POLK: variants seen among roughly 807,000 people sequenced by gnomAD.
The protein encoded by POLK is DNA polymerase kappa, also known as polymerase (DNA directed) kappa.
POLK carries 76 observed loss-of-function variants against 94.0 expected under a neutral mutation model. The observed-to-expected ratio is 0.81, with a 90% CI of 0.67 to 0.98. The LOEUF (loss-of-function observed/expected upper bound fraction) is 0.98, where lower values mean the gene tolerates loss of function less well. POLK is among the 50% of genes least tolerant of loss of function. The pLI, the probability that POLK is intolerant of heterozygous loss-of-function variation, is 0.00. For missense variants in POLK, 954 were observed against 1,010.1 expected, an observed-to-expected ratio of 0.94 and a Z score of 0.75; for synonymous variants, 349 against 325.4, an observed-to-expected ratio of 1.07 and a Z score of -0.78.
intron 1 of POLK, among the ~76,000 whole-genome samples, chr5:75,519,349 TTGTC>T (rs1248207890): frequency 1.3e-5 from 2 of 152,174 alleles, no homozygotes; most frequent in Non-Finnish European, 1.5e-5. Context: ...GATGAAAAGA[TTGTC>T]TGTTCTGCAG....
Position 75,575,146 on chromosome 5 carries a change from A to G in POLK, c.540+1277A>G, listed in dbSNP as rs75480562. On this transcript the variant is annotated intron_variant, in intron 5 of 14. Transcript: ENST00000241436. ...AATTCATCACTGCCTATGGATACAT[A>G]AATATTCATGACTTGGTTAGAAAAT... 2.1e-3 allele frequency among the ~76,000 whole-genome samples: 317 copies of G among 152,342 alleles called. 1 individual carries two copies. In the East Asian group the frequency reaches 0.027, roughly 13 times the overall value.
At chr5:75,511,371 C>A, upstream of POLK, 1 of 1,546,434 alleles carries the variant, frequency 6.5e-7, no homozygotes, top group African/African-American at 1.4e-5. Context: ...GCCGCGCCGC[C>A]GCCGCGCCTG....
intron 1 of POLK, among the ~76,000 whole-genome samples, chr5:75,540,092 T>G (rs1347928019): frequency 6.6e-6 from 1 of 152,138 alleles, no homozygotes; most frequent in African/African-American, 2.4e-5. Context: ...TAGGAGCAGT[T>G]TGGCAAAGGG....
chr5:75,543,781 C>T (rs943541141), intron 1 of POLK, among the ~76,000 whole-genome samples: 12 of 152,078 alleles, frequency 7.9e-5, no homozygotes, highest in Non-Finnish European at 2.9e-5. Context: ...GCCCATAGCC[C>T]AATTCTTTTG....
intron 11 of POLK, 28 bp downstream of exon 11, chr5:75,590,468 GTTT>G (rs5744694): frequency 0.076 from 99,499 of 1,308,548 alleles, 4,438 homozygotes; most frequent in Non-Finnish European, 0.085. Flanking sequence ...GGTGTCCTTA[GTTT>G]TTAAGTTTTT....
the POLK span, among the ~76,000 whole-genome samples, chr5:75,607,483 A>G: frequency 6.6e-6 from 1 of 151,794 alleles, no homozygotes; most frequent in African/African-American, 2.4e-5. Context: ...AAAAAAAAAA[A>G]AAAGGAAGTA....
At chr5:75,536,747 G>C (rs1287472943) in intron 1 of POLK, among the ~76,000 whole-genome samples, 1 of 152,162 alleles carries the variant, frequency 6.6e-6, no homozygotes, top group Non-Finnish European at 1.5e-5. Context: ...GCAGGGATGG[G>C]CAGGGTGACA....
At chr5:75,522,728 A>G (rs1475386043) in intron 1 of POLK, among the ~76,000 whole-genome samples, 1 of 152,160 alleles carries the variant, frequency 6.6e-6, no homozygotes, top group Non-Finnish European at 1.5e-5. Context: ...AATAAACCCT[A>G]GGATGATGCA....
intron 1 of POLK, among the ~76,000 whole-genome samples, chr5:75,533,822 G>C (rs1769306892): frequency 1.3e-5 from 2 of 152,106 alleles, no homozygotes; most frequent in South Asian, 4.1e-4. Flanking sequence ...TCAATACCTA[G>C]TTAGATATTT....
At chr5:75,537,939 C>T (rs1409924593) in intron 1 of POLK, among the ~76,000 whole-genome samples, 7 of 152,004 alleles carry the variant, frequency 4.6e-5, no homozygotes, top group African/African-American at 1.7e-4. Flanking sequence ...TCACTGCAAG[C>T]TCTGCCTCCC....
intron 1 of POLK, among the ~76,000 whole-genome samples, chr5:75,519,304 A>AG (rs1279457029): frequency 7.2e-5 from 11 of 152,282 alleles, no homozygotes; most frequent in African/African-American, 2.6e-4. Context: ...TTGTGGCCTA[A>AG]GATGTGGTCT....
chr5:75,542,599 G>GTATATACACATATACACATA (rs1769793536), intron 1 of POLK, among the ~76,000 whole-genome samples: 1 of 149,806 alleles, frequency 6.7e-6, no homozygotes, highest in South Asian at 2.1e-4. Context: ...GTGTGTGTGT[G>GTATATACACATATACACATA]TATATACACA....
At chr5:75,591,378 A>G (rs1238032076) in intron 11 of POLK, among the ~76,000 whole-genome samples, 15 of 152,188 alleles carry the variant, frequency 9.9e-5, no homozygotes, top group Admixed American at 9.8e-4. Flanking sequence ...ATCTTTCTCT[A>G]TCATACCTTG....
At chr5:75,571,030 T>G (rs765341206) in intron 4 of POLK, among the ~76,000 whole-genome samples, 2 of 152,146 alleles carry the variant, frequency 1.3e-5, no homozygotes, top group Non-Finnish European at 2.9e-5. Flanking sequence ...TGTTTATGTA[T>G]GTGTATACAT....
intron 6 of POLK, among the ~76,000 whole-genome samples, chr5:75,577,301 G>A (rs1483891240): frequency 6.6e-6 from 1 of 152,094 alleles, no homozygotes; most frequent in African/African-American, 2.4e-5. Flanking sequence ...GAAAAGACTA[G>A]CCTCAAACAT....
At chr5:75,576,747 C>T (rs1771896073) in intron 5 of POLK, 33 bp from the exon 6 acceptor site, 2 of 1,332,554 alleles carry the variant, frequency 1.5e-6, no homozygotes, top group Non-Finnish European at 2.0e-6. Context: ...GCTATCACAG[C>T]AAAATTTAAA....
chr5:75,594,035 G>A (rs575482097), exon 12 of POLK: 4 of 1,603,970 alleles, frequency 2.5e-6, no homozygotes, highest in Admixed American at 1.7e-5. Flanking sequence ...CATCCCTTGA[G>A]ATTAAGGCTT....
At chr5:75,536,909 G>A (rs1320346398) in intron 1 of POLK, among the ~76,000 whole-genome samples, 1 of 152,150 alleles carries the variant, frequency 6.6e-6, no homozygotes, top group Admixed American at 6.5e-5. Context: ...GTAGTTTGCT[G>A]TCCCAGCATT....
intron 3 of POLK, among the ~76,000 whole-genome samples, chr5:75,557,831 C>T (rs1770716844): frequency 6.6e-6 from 1 of 152,034 alleles, no homozygotes; most frequent in Admixed American, 6.6e-5. Context: ...CCTCTGTCAC[C>T]CAGGCTGCTG....
Sources: allele counts gnomAD v4.1 joint callset (sites outside exome capture counted in the v4.1 genomes callset), GRCh38; gene constraint gnomAD v4.1.1; transcripts MANE v1.5; gene names NCBI Gene and HGNC (gene_info 2026-07-23, HGNC 2026-07-21).